The following GALP variants were observed in gnomAD, a reference collection of about 807,000 sequenced individuals.
The protein encoded by GALP is galanin like peptide, also known as galanin-like peptide.
A neutral mutation model predicts 15.2 loss-of-function variants in GALP; 12 were observed. The ratio of observed to expected loss-of-function variants is 0.79; its 90% CI spans 0.51 to 1.28. GALP has a LOEUF of 1.28. GALP is among the 50% of genes most tolerant of loss of function. The probability of loss-of-function intolerance (pLI) is 0.00; values close to 1 mark genes in which losing one functional copy is unlikely to be tolerated. For synonymous variants in GALP, 58 were observed against 55.1 expected (o/e 1.05, Z -0.23); for missense variants, 161 against 145.6 (o/e 1.11, Z -0.55).
At chr19:56,181,372 G>A (rs1047864913) in intron 3 of GALP, among the ~76,000 whole-genome samples, 20 of 137,862 alleles carry the variant, frequency 1.5e-4, no homozygotes, top group African/African-American at 5.5e-4. Flanking sequence ...ATGATTAGCT[G>A]CTATTCTTTG....
intron 5 of GALP, among the ~76,000 whole-genome samples, chr19:56,183,839 C>A (rs1178882062): frequency 1.3e-5 from 2 of 151,884 alleles, no homozygotes. Context: ...TTCAGGTAAT[C>A]CACCTGCCTC....
intron 2 of GALP, among the ~76,000 whole-genome samples, chr19:56,179,169 G>A (rs779647878): frequency 5.3e-5 from 8 of 152,066 alleles, no homozygotes; most frequent in East Asian, 1.9e-4. Context: ...AGAGTGAGAC[G>A]CGAGACTCCA....
intron 5 of GALP, among the ~76,000 whole-genome samples, chr19:56,184,046 C>T (rs147532738): frequency 3.3e-5 from 5 of 150,080 alleles, no homozygotes; most frequent in African/African-American, 9.8e-5. Flanking sequence ...ACCTCTGCCT[C>T]CTGCATTCAA....
intron 5 of GALP, among the ~76,000 whole-genome samples, chr19:56,183,624 TTTTGCTCTTGTCGCCCAGGTTGGAGTG>T: frequency 6.6e-6 from 1 of 152,164 alleles, no homozygotes; most frequent in African/African-American, 2.4e-5. Context: ...GGGGATGAAG[TTTTGCTCTTGTCGCCCAGGTTGGAGTG>T]CAATGGTGCG....
At chr19:56,176,670 C>A (rs1489054086) in intron 1 of GALP, among the ~76,000 whole-genome samples, 2 of 150,936 alleles carry the variant, frequency 1.3e-5, no homozygotes, top group East Asian at 4.0e-4. Context: ...GGGGTGAGAG[C>A]CTAGGCCAGG....
chr19:56,182,818 A>C (rs2032589307), intron 4 of GALP, among the ~76,000 whole-genome samples: 1 of 152,166 alleles, frequency 6.6e-6, no homozygotes, highest in Non-Finnish European at 1.5e-5. Context: ...TCAGTCTCCC[A>C]AAGTGCTGGG....
rs554150020 is a variant in GALP at position 56,180,409 on chromosome 19, C to A, written c.88-177C>A. On this transcript the variant is annotated intron_variant, in intron 2 of 5. Coordinates refer to ENST00000357330, the MANE Select transcript of GALP (RefSeq NM_033106.4). ...GAACGCTTTAAGCTTTCTTTCCAGG[C>A]CAGTTGGCTTTGTCTCAGGAAGTCC... Among the ~76,000 whole-genome samples, 15 of 152,304 alleles carry A rather than the reference C, an allele frequency of 9.8e-5. No individual in the cohort carries two copies. The South Asian group carries it at 2.5e-3, about 25-fold the overall frequency.
intron 2 of GALP, among the ~76,000 whole-genome samples, chr19:56,177,524 A>AG (rs34511547): frequency 0.03 from 4,036 of 135,436 alleles, 159 homozygotes; most frequent in East Asian, 0.13. Flanking sequence ...AAAAAAAAAA[A>AG]AAAAGAAGAA....
In GALP at chr19:56,177,053, C is replaced by A. The variant is rs983742507; in HGVS notation, c.-39-17C>A. On this transcript the variant is annotated splice_polypyrimidine_tract_variant and intron_variant, in intron 1 of 5. Transcript: ENST00000357330. Reference sequence around the variant, plus strand: ...GGCCCCCGCTTCGGAAAATGACTGGCCGCTCTCTCCTTGCAGCGTGTTCCG... The same window carrying A: ...GGCCCCCGCTTCGGAAAATGACTGGACGCTCTCTCCTTGCAGCGTGTTCCG... The A allele has an allele frequency of 5.9e-6, 8 of 1,363,252 alleles. No individual in the cohort carries two copies. The African/African-American group carries it at 8.6e-5, about 15-fold the overall frequency. 84.4% of individuals were successfully genotyped at this position (1,363,252 alleles called of 1,614,324 possible).
chr19:56,176,950 G>A, intron 1 of GALP, 120 bp from the exon 2 acceptor site: 1 of 583,168 alleles, frequency 1.7e-6, no homozygotes, highest in Non-Finnish European at 3.0e-6. Context: ...TACATTAAAT[G>A]TGCGCCATTT....
At chr19:56,180,743 A>G (rs1257620750) in intron 3 of GALP, 109 bp downstream of exon 3, 2 of 844,390 alleles carry the variant, frequency 2.4e-6, no homozygotes, top group East Asian at 2.6e-5. Flanking sequence ...ACTGAGGCCC[A>G]TGGATTTATT....
intron 2 of GALP, 120 bp downstream of exon 2, chr19:56,177,315 GA>G: frequency 2.6e-6 from 2 of 774,134 alleles, no homozygotes; most frequent in South Asian, 3.3e-5. Flanking sequence ...CTCAAATCCT[GA>G]AAATATGAGA....
rs745797059 is a variant in GALP, at chr19:56,180,589, C to T, written c.91C>T (p.Arg31Ter). The change falls in exon 3 of 6, where the codon CGA (arginine) becomes TGA (stop). Residue 31 changes from arginine to a stop codon, truncating the protein, a stop_gained. Coordinates refer to ENST00000357330, the MANE Select transcript of GALP (RefSeq NM_033106.4). LOFTEE classifies it high-confidence loss of function. The part of the protein sequence containing the change: ...TPASAPAHRG[R>*]GGWTLNSAGY... Reference sequence around the variant, plus strand: ...TGATTTCTGCATCTCTATCCAGGGACGAGGAGGCTGGACCCTCAATAGTGC... The same window carrying T: ...TGATTTCTGCATCTCTATCCAGGGATGAGGAGGCTGGACCCTCAATAGTGC... The T allele has an allele frequency of 1.3e-5, 21 of 1,613,596 alleles. No homozygotes were observed. Among genetic ancestry groups the T allele is most frequent in the South Asian group, 1.1e-4 (10 of 91,062 alleles).
At chr19:56,184,699 G>A (rs1047495904) in intron 5 of GALP, among the ~76,000 whole-genome samples, 1 of 151,344 alleles carries the variant, frequency 6.6e-6, no homozygotes, top group Non-Finnish European at 1.5e-5. Context: ...TAGCCAGGAT[G>A]GTCTCGATCT....
rs2032577698 is a variant in GALP at position 56,182,179 on chromosome 19, C to T, written c.144C>T (p.His48=). The change falls in exon 4 of 6, where the codon CAC becomes CAT. Residue 48 remains histidine (H), a synonymous_variant. Coordinates refer to ENST00000357330, the MANE Select transcript of GALP (RefSeq NM_033106.4). ...CTCTCCCTCCCTACCCAGTCCTCCA[C>T]CTTCCCCAAATGGGTGACCAAGACG... ...SAGYLLGPVL[H]LPQMGDQDGK... 1.2e-6 allele frequency: 2 copies of T among 1,613,590 alleles called. No homozygotes were observed. Among genetic ancestry groups the T allele is most frequent in the African/African-American group, 1.3e-5 (1 of 75,054 alleles).
intron 3 of GALP, 107 bp from the exon 4 acceptor site, chr19:56,182,065 G>A (rs1599930243): frequency 5.0e-6 from 4 of 794,830 alleles, no homozygotes; most frequent in Non-Finnish European, 8.9e-6. Context: ...GACAGACTTG[G>A]TGGAGGCGCT....
At chr19:56,183,026 G>A (rs1371915100) in intron 4 of GALP, 109 bp from the exon 5 acceptor site, 7 of 754,786 alleles carry the variant, frequency 9.3e-6, no homozygotes, top group Non-Finnish European at 1.6e-5. Context: ...TCCACCCTCG[G>A]GAAGGACCCA....
rs545390063 is a variant in GALP, at chr19:56,183,253, G to C, written c.295+41G>C. On this transcript the variant is annotated intron_variant, in intron 5 of 5. Coordinates refer to ENST00000357330, the MANE Select transcript of GALP (RefSeq NM_033106.4). Reference sequence around the variant, plus strand: ...ACAGAAGAGAGACACCGACAGGAGAGGGGGAACAAGGAAGTGGCAGGCAGA... The same window carrying C: ...ACAGAAGAGAGACACCGACAGGAGACGGGGAACAAGGAAGTGGCAGGCAGA... The C allele has an allele frequency of 1.8e-4, 264 of 1,493,356 alleles. 3 individuals carry two copies. The South Asian group carries it at 2.6e-3, about 15-fold the overall frequency. 92.5% of individuals were successfully genotyped at this position (1,493,356 alleles called of 1,614,324 possible).
At chr19:56,182,367 G>C in intron 4 of GALP, 115 bp downstream of exon 4, 1 of 702,370 alleles carries the variant, frequency 1.4e-6, no homozygotes, top group Non-Finnish European at 2.4e-6. Context: ...TTACTATTTG[G>C]GGGGCCCTGG....
Sources: gnomAD v4.1 joint callset for allele counts (sites outside exome capture counted in the v4.1 genomes callset) on GRCh38, gnomAD v4.1.1 for gene constraint, MANE v1.5 for transcripts, NCBI Gene and HGNC (gene_info 2026-07-23, HGNC 2026-07-21) for gene names.